TBC1D22B: variants seen among roughly 807,000 people sequenced by gnomAD.
TBC1D22B encodes the protein chromosome 6 open reading frame 197.
In TBC1D22B, 32 loss-of-function variants were observed where a neutral mutation model predicts 69.1. The ratio of observed to expected loss-of-function variants is 0.46; its 90% CI spans 0.35 to 0.62. The LOEUF (loss-of-function observed/expected upper bound fraction) is 0.62. Among genes scored for constraint, TBC1D22B ranks in the 20% least tolerant of loss-of-function variants. The pLI, the probability that TBC1D22B is intolerant of heterozygous loss-of-function variation, is 0.00. For synonymous variants in TBC1D22B, 206 were observed against 229.8 expected, an observed-to-expected ratio of 0.90 and a Z score of 0.94; for missense variants, 462 against 630.9, an observed-to-expected ratio of 0.73 and a Z score of 2.87.
intron 8 of TBC1D22B, among the ~76,000 whole-genome samples, chr6:37,292,480 A>AC (rs1213102430): frequency 2.7e-4 from 40 of 150,898 alleles, no homozygotes; most frequent in East Asian, 1.8e-3. Flanking sequence ...TATCCTCCCC[A>AC]CCCCCCCGCC....
intron 8 of TBC1D22B, among the ~76,000 whole-genome samples, chr6:37,310,240 A>AG (rs1767862505): frequency 6.7e-6 from 1 of 149,704 alleles, no homozygotes; most frequent in Non-Finnish European, 1.5e-5. Flanking sequence ...ATATAAAAAA[A>AG]CAAAAAAACC....
intron 8 of TBC1D22B, chr6:37,295,543 T>G: frequency 2.6e-6 from 1 of 379,650 alleles, no homozygotes; most frequent in Non-Finnish European, 5.4e-6. Context: ...TAACTTCTGC[T>G]GGCATGTCTT....
chr6:37,277,392 A>G (rs1210291322), intron 2 of TBC1D22B, among the ~76,000 whole-genome samples: 3 of 151,748 alleles, frequency 2.0e-5, no homozygotes, highest in African/African-American at 4.8e-5. Context: ...AGAAGCAGCC[A>G]TGGTGGATGA....
At chr6:37,304,348 A>G (rs968885216) in intron 8 of TBC1D22B, among the ~76,000 whole-genome samples, 14 of 152,252 alleles carry the variant, frequency 9.2e-5, no homozygotes, top group Admixed American at 7.2e-4. Flanking sequence ...ATGCACAAAC[A>G]TATTCACAGC....
chr6:37,284,353 C>T lies in TBC1D22B; in HGVS notation c.690C>T (p.Asn230=). The T allele has an allele frequency of 6.2e-7, 1 of 1,614,164 alleles. No individual in the cohort carries two copies. The highest frequency in any genetic ancestry group is 8.5e-7 in the Non-Finnish European group (1 of 1,180,014). Residue 230 remains asparagine (N), a synonymous_variant, in exon 6 of 13, where the codon AAC becomes AAT. Coordinates refer to ENST00000373491, the MANE Select transcript of TBC1D22B (RefSeq NM_017772.4). ...WRLLSGYLPA[N]TERRKLTLQR... is the part of the protein sequence containing the mutation. The stretch of plus-strand genomic sequence containing the variant: ...GTCTATAGGGCTATCTCCCAGCAAA[C>T]ACTGAGAGGAGGAAGTTGACCCTGC...
rs1768105349 is a variant in TBC1D22B, at chr6:37,317,028, T to A, written c.1294-83T>A. 1.6e-5 allele frequency: 24 copies of A among 1,488,684 alleles called. 1 individual carries two copies. Among genetic ancestry groups the A allele is most frequent in the South Asian group, 9.7e-5 (8 of 82,494 alleles). 92.2% of individuals were successfully genotyped at this position (1,488,684 alleles called of 1,614,324 possible). On this transcript the variant is annotated intron_variant, in intron 11 of 12. Coordinates refer to ENST00000373491, the MANE Select transcript of TBC1D22B (RefSeq NM_017772.4). Reference sequence around the variant, plus strand: ...CCCAACCGTGAAAGAGTTTCCCACCTCCCAGAAGGAATGGAACTGAGAGGA... The same window carrying A: ...CCCAACCGTGAAAGAGTTTCCCACCACCCAGAAGGAATGGAACTGAGAGGA...
intron 2 of TBC1D22B, among the ~76,000 whole-genome samples, chr6:37,277,855 G>A (rs867739041): frequency 5.3e-5 from 8 of 152,012 alleles, no homozygotes; most frequent in Non-Finnish European, 5.9e-5. Context: ...ACTTCTGGGC[G>A]TGGTGGCTCA....
At chr6:37,264,832 T>C (rs1449413342) in intron 1 of TBC1D22B, among the ~76,000 whole-genome samples, 1 of 152,204 alleles carries the variant, frequency 6.6e-6, no homozygotes, top group African/African-American at 2.4e-5. Context: ...AAGAGCCTTA[T>C]TTAATAATGG....
chr6:37,305,662 C>T (rs1005326081), intron 8 of TBC1D22B, among the ~76,000 whole-genome samples: 3 of 152,016 alleles, frequency 2.0e-5, no homozygotes, highest in South Asian at 2.1e-4. Context: ...GGACTACAGG[C>T]GCCCGCCACC....
At chr6:37,269,688 G>C (rs761493976) in intron 2 of TBC1D22B, 38 bp downstream of exon 2, 2 of 1,590,566 alleles carry the variant, frequency 1.3e-6, no homozygotes, top group East Asian at 4.5e-5. Context: ...ATCTACTGCT[G>C]TCACCCCTAT....
chr6:37,307,793 C>T (rs1429102999), intron 8 of TBC1D22B, among the ~76,000 whole-genome samples: 3 of 152,158 alleles, frequency 2.0e-5, no homozygotes, highest in Admixed American at 6.5e-5. Context: ...CCTCTTGGTC[C>T]GGCCGGTCAG....
chr6:37,309,915 A>G (rs1236250294), intron 8 of TBC1D22B, among the ~76,000 whole-genome samples: 1 of 150,312 alleles, frequency 6.7e-6, no homozygotes, highest in East Asian at 1.9e-4. Context: ...ACAGCCCAAT[A>G]TCATTTAACT....
intron 12 of TBC1D22B, among the ~76,000 whole-genome samples, chr6:37,323,200 C>A (rs1247377827): frequency 6.6e-6 from 1 of 152,134 alleles, no homozygotes; most frequent in African/African-American, 2.4e-5. Context: ...CCATGCAGGG[C>A]ACTCTGAGGA....
intron 1 of TBC1D22B, among the ~76,000 whole-genome samples, chr6:37,267,787 C>A (rs1413295395): frequency 6.6e-6 from 1 of 151,888 alleles, no homozygotes; most frequent in Non-Finnish European, 1.5e-5. Flanking sequence ...CGTAAAACAT[C>A]CATATTCGTC....
chr6:37,259,418 G>T (rs575452181), intron 1 of TBC1D22B, among the ~76,000 whole-genome samples: 52 of 152,176 alleles, frequency 3.4e-4, no homozygotes, highest in African/African-American at 1.2e-3. Context: ...GGGGTTTTCC[G>T]TAGTGAGATC....
At chr6:37,307,078 G>A (rs1344104926) in intron 8 of TBC1D22B, among the ~76,000 whole-genome samples, 1 of 152,288 alleles carries the variant, frequency 6.6e-6, no homozygotes, top group Non-Finnish European at 1.5e-5. Context: ...TTACAGGTTT[G>A]CAGTGCTATT....
At chr6:37,277,515 G>A (rs1375039249) in intron 2 of TBC1D22B, among the ~76,000 whole-genome samples, 2 of 144 alleles carry the variant, frequency 0.014, no homozygotes, top group East Asian at 0.25. Context: ...CATCCAGGCT[G>A]GAGTCAGTGG....
At chr6:37,292,611 A>C (rs1279266321) in intron 8 of TBC1D22B, among the ~76,000 whole-genome samples, 3 of 152,172 alleles carry the variant, frequency 2.0e-5, no homozygotes, top group Non-Finnish European at 2.9e-5. Context: ...TAATTTTCTA[A>C]AATAGTATTG....
At chr6:37,273,935 G>A (rs906805619) in intron 2 of TBC1D22B, among the ~76,000 whole-genome samples, 1 of 152,078 alleles carries the variant, frequency 6.6e-6, no homozygotes, top group Non-Finnish European at 1.5e-5. Flanking sequence ...CTTTACATTG[G>A]GTCTTCAATC....
Sources: allele counts gnomAD v4.1 joint callset (sites outside exome capture counted in the v4.1 genomes callset), GRCh38; gene constraint gnomAD v4.1.1; transcripts MANE v1.5; gene names NCBI Gene and HGNC (gene_info 2026-07-23, HGNC 2026-07-21).